PCNX1: variants seen among roughly 807,000 people sequenced by gnomAD.
PCNX1 encodes pecanex 1.
Under a neutral mutation model 242.2 loss-of-function variants are expected in PCNX1, and 78 were observed. That is an observed-to-expected ratio of 0.32 (90% CI 0.27 to 0.39). The LOEUF (loss-of-function observed/expected upper bound fraction) is 0.39, where lower values mean the gene tolerates loss of function less well. Among genes scored for constraint, PCNX1 ranks in the 10% least tolerant of loss-of-function variants. The pLI, the probability that PCNX1 is intolerant of heterozygous loss-of-function variation, is 1.00. For missense variants in PCNX1, 2,581 were observed against 2,856.5 expected (o/e 0.90, Z 2.20); for synonymous variants, 1,024 against 1,032.9 (o/e 0.99, Z 0.17).
intron 8 of PCNX1, among the ~76,000 whole-genome samples, chr14:70,997,672 G>C (rs1441489268): frequency 6.6e-6 from 1 of 152,044 alleles, no homozygotes; most frequent in Non-Finnish European, 1.5e-5. Context: ...TATTTGAATG[G>C]TGCCAAATTG....
At chr14:70,946,300 T>C (rs182089914) in intron 1 of PCNX1, among the ~76,000 whole-genome samples, 37 of 152,366 alleles carry the variant, frequency 2.4e-4, no homozygotes, top group Admixed American at 2.2e-3. Context: ...CTCATGACAG[T>C]TTTAACTTCC....
intron 1 of PCNX1, among the ~76,000 whole-genome samples, chr14:70,910,547 TG>T (rs2055854002): frequency 1.3e-5 from 2 of 152,136 alleles, no homozygotes; most frequent in African/African-American, 4.8e-5. Flanking sequence ...TCCAGATACC[TG>T]TGTGGCTGCT....
rs2061192616 is a variant in PCNX1, at chr14:71,056,754, C to G, written c.4637-755C>G. 3.3e-5 allele frequency among the ~76,000 whole-genome samples: 5 copies of G among 152,136 alleles called. No individual in the cohort carries two copies. The South Asian group carries it at 1.0e-3, about 32-fold the overall frequency. On this transcript the variant is annotated intron_variant, in intron 25 of 35. Transcript: ENST00000304743. ...AGTGCAGTGGCACAGTCACAGCTCA[C>G]TGCAACCTCCACCTCCCAAGTTCAA...
At chr14:70,971,829 G>C (rs1227391251) in intron 5 of PCNX1, among the ~76,000 whole-genome samples, 1 of 152,196 alleles carries the variant, frequency 6.6e-6, no homozygotes, top group Admixed American at 6.5e-5. Flanking sequence ...GCAAGAGCAT[G>C]CCTGTCAGGT....
chr14:71,091,345 T>C (rs1221575058), intron 30 of PCNX1, among the ~76,000 whole-genome samples: 2 of 152,192 alleles, frequency 1.3e-5, no homozygotes, highest in Non-Finnish European at 2.9e-5. Context: ...GACAATAGGC[T>C]TATATACTAA....
rs142779317 is a variant in PCNX1 at position 70,965,862 on chromosome 14, G to A, written c.469-2336G>A. On this transcript the variant is annotated intron_variant, in intron 3 of 35. Transcript: ENST00000304743. ...CCCTGGTATCCATAATCCTTCCTAT[G>A]GCACTTGTCATAGAGAAGAAACAGT... 1.4e-4 allele frequency among the ~76,000 whole-genome samples: 21 copies of A among 152,146 alleles called. No individual in the cohort carries two copies. In the East Asian group the frequency reaches 4.1e-3, roughly 29 times the overall value.
At chr14:70,925,023 CTG>C (rs2140118526) in intron 1 of PCNX1, among the ~76,000 whole-genome samples, 1 of 151,708 alleles carries the variant, frequency 6.6e-6, no homozygotes, top group Non-Finnish European at 1.5e-5. Flanking sequence ...GAATCTCACT[CTG>C]TTGCCCAGAC....
chr14:70,996,607 A>C (rs939637190), intron 8 of PCNX1, among the ~76,000 whole-genome samples: 9 of 152,122 alleles, frequency 5.9e-5, no homozygotes, highest in African/African-American at 2.2e-4. Context: ...GTGATACTTT[A>C]TGTTACTTTG....
At chr14:71,073,007 A>G (rs1453290300) in intron 26 of PCNX1, among the ~76,000 whole-genome samples, 1 of 152,254 alleles carries the variant, frequency 6.6e-6, no homozygotes, top group Non-Finnish European at 1.5e-5. Context: ...TACCACACGA[A>G]TTATCAGACC....
chr14:71,045,167 G>C lies in PCNX1; in HGVS notation c.3902G>C (p.Gly1301Ala), dbSNP rs202214990. 1 of 1,612,330 alleles carries C rather than the reference G, an allele frequency of 6.2e-7. No homozygotes were observed. The highest frequency in any genetic ancestry group is 8.5e-7 in the Non-Finnish European group (1 of 1,179,182). ...AAGTATGTGTTGTATACATTGGTTG[G>C]CTTTGTGGGTTTTGTAACCCATTAT... Reference protein sequence around the residue: ...ALKYVLYTLVGFVGFVTHYVL... With the variant: ...ALKYVLYTLVAFVGFVTHYVL... The change falls in exon 20 of 36, where the codon GGC becomes GCC. Residue 1301 changes from glycine to alanine, a missense_variant. By Grantham distance (60) the Gly-to-Ala change is moderately conservative. Coordinates refer to ENST00000304743, the MANE Select transcript of PCNX1 (RefSeq NM_014982.3).
chr14:71,093,879 A>G (rs1011136560), intron 30 of PCNX1: 2 of 152,144 alleles, frequency 1.3e-5, no homozygotes, highest in Admixed American at 1.3e-4. Context: ...TGATTTTCTT[A>G]ATATTTTCTT....
At chr14:71,003,935 AAT>A (rs1331295501) in intron 8 of PCNX1, among the ~76,000 whole-genome samples, 1 of 152,244 alleles carries the variant, frequency 6.6e-6, no homozygotes, top group Non-Finnish European at 1.5e-5. Flanking sequence ...ACTTGTTCTA[AAT>A]ATTGAAACTT....
At position 70,907,512 on chromosome 14, in the gene PCNX1, A is replaced by G. The variant is rs547080204; in HGVS notation, c.-339A>G. On this transcript the variant is annotated 5_prime_UTR_variant, in exon 1 of 36. Coordinates refer to ENST00000304743, the MANE Select transcript of PCNX1 (RefSeq NM_014982.3). ...GGCCGGCGGGGGTCGCGGCGGCGGC[A>G]GTGGGGGCGCTGGCGGGCCGCGGGT... The G allele has an allele frequency of 3.1e-3, 454 of 148,750 alleles. 2 individuals carry two copies. Among genetic ancestry groups the G allele is most frequent in the Non-Finnish European group, 5.3e-3 (357 of 67,210 alleles). 9.2% of individuals were successfully genotyped at this position (148,750 alleles called of 1,614,324 possible).
chr14:70,988,772 G>T, intron 7 of PCNX1, 73 bp downstream of exon 7: 1 of 1,488,614 alleles, frequency 6.7e-7, no homozygotes, highest in Non-Finnish European at 9.2e-7. Context: ...CCAGTCCCAA[G>T]AAAGCATTTG....
At chr14:71,035,115 G>C (rs979804164) in intron 18 of PCNX1, among the ~76,000 whole-genome samples, 4 of 152,134 alleles carry the variant, frequency 2.6e-5, no homozygotes, top group Non-Finnish European at 5.9e-5. Flanking sequence ...GGAGACTAAG[G>C]CTGGAGGATC....
At chr14:71,060,504 C>T (rs946235592) in intron 26 of PCNX1, among the ~76,000 whole-genome samples, 3 of 152,064 alleles carry the variant, frequency 2.0e-5, no homozygotes, top group Admixed American at 1.3e-4. Context: ...TTGTGTCATT[C>T]GATTTTATGG....
intron 8 of PCNX1, among the ~76,000 whole-genome samples, chr14:71,009,171 A>G (rs914841577): frequency 2.1e-4 from 32 of 152,330 alleles, no homozygotes; most frequent in Middle Eastern, 3.4e-3. Flanking sequence ...CCTTTCTTAG[A>G]TACACTTGGA....
intron 21 of PCNX1, 35 bp from the exon 22 acceptor site, chr14:71,047,772 G>A: frequency 6.4e-7 from 1 of 1,553,480 alleles, no homozygotes; most frequent in East Asian, 2.3e-5. Flanking sequence ...AATGTTTTCA[G>A]TCATGAGTTG....
rs772882027 is a variant in PCNX1 at position 70,978,303 on chromosome 14, T to C, written c.1966T>C (p.Ser656Pro). The C allele has an allele frequency of 3.1e-6, 5 of 1,614,072 alleles. No homozygotes were observed. In the Admixed American group the frequency reaches 6.7e-5, roughly 22 times the overall value. ...CACTCATAAAGAAAGGGGCACAGAC[T>C]CTGAACACACACACAAAGCTCATTT... ...KHTHKERGTD[S>P]EHTHKAHLVP... Residue 656 changes from serine to proline, a missense_variant, in exon 6 of 36, where the codon TCT becomes CCT. Ser to Pro is a moderately conservative substitution (Grantham distance 74). Around this residue, in one of 9 missense-constraint regions of PCNX1, gnomAD observed 1,204 missense variants for 1,216.7 expected, o/e 0.99. Transcript: ENST00000304743.
Sources: gnomAD v4.1 joint callset for allele counts (sites outside exome capture counted in the v4.1 genomes callset) on GRCh38, gnomAD v4.1.1 for gene constraint, gnomAD v4.1.1 regional missense constraint, MANE v1.5 for transcripts, NCBI Gene and HGNC (gene_info 2026-07-23, HGNC 2026-07-21) for gene names.